Variants in VPS41 observed in about 807,000 individuals in gnomAD.
The protein encoded by VPS41 is VPS41 subunit of HOPS complex, also known as vacuolar protein sorting-associated protein 41 homolog.
A neutral mutation model predicts 130.9 loss-of-function variants in VPS41; 85 were observed. The ratio of observed to expected loss-of-function variants is 0.65; its 90% CI spans 0.55 to 0.78. The LOEUF is 0.78. VPS41 is among the 30% of genes least tolerant of loss of function. VPS41 has a pLI of 0.00. For synonymous variants in VPS41, 335 were observed against 332.9 expected, an observed-to-expected ratio of 1.01 and a Z score of -0.07; for missense variants, 874 against 1,018.7, an observed-to-expected ratio of 0.86 and a Z score of 1.93.
In VPS41 at chr7:38,742,065, T is replaced by C; in HGVS notation, c.2179A>G (p.Ile727Val). The change falls in exon 25 of 29, where the codon ATT becomes GTT. Residue 727 changes from isoleucine (I) to valine (V), a missense_variant. Physicochemically the swap from Ile to Val is conservative, Grantham distance 29 (BLOSUM62 3). Coordinates refer to ENST00000310301, the MANE Select transcript of VPS41 (RefSeq NM_014396.4). ...TCCATTCCTTCCTTAATACGGTGAA[T>C]CAGTAGAATTGGGTCAACATGTGTG... Reference protein sequence around the residue: ...IGTHVDPILLIHRIKEGMEIP... With the variant: ...IGTHVDPILLVHRIKEGMEIP... The C allele has an allele frequency of 6.2e-7, 1 of 1,613,320 alleles. No homozygotes were observed. The highest frequency in any genetic ancestry group is 1.1e-5 in the South Asian group (1 of 90,978).
rs377341093 is a variant in VPS41, at chr7:38,845,673, T to C, written c.247-15345A>G. 2.9e-4 allele frequency among the ~76,000 whole-genome samples: 44 copies of C among 152,228 alleles called. 3 individuals carry two copies. Among genetic ancestry groups the C allele is most frequent in the East Asian group, 2.5e-3 (13 of 5,204 alleles). On this transcript the variant is annotated intron_variant, in intron 4 of 28. Transcript: ENST00000310301. ...GACAGAAAACTAATGGGACCTTTTATATAAATCAAAACCAGTCTGAGCAAT... is the reference window on the plus strand; with the variant it reads ...GACAGAAAACTAATGGGACCTTTTACATAAATCAAAACCAGTCTGAGCAAT...
chr7:38,907,282 G>A (rs1393509684), intron 1 of VPS41, among the ~76,000 whole-genome samples: 1 of 152,186 alleles, frequency 6.6e-6, no homozygotes, highest in East Asian at 1.9e-4. Flanking sequence ...GAGGCCCTGA[G>A]ATAGGAACCT....
chr7:38,870,823 TAAAA>T (rs11355704), intron 2 of VPS41, among the ~76,000 whole-genome samples: 4 of 96,340 alleles, frequency 4.2e-5, no homozygotes, highest in South Asian at 2.9e-4. Flanking sequence ...TCTAATCTGT[TAAAA>T]AAAAAAAAAA....
intron 25 of VPS41, chr7:38,741,209 G>T (rs1283840551): frequency 8.6e-6 from 2 of 233,216 alleles, no homozygotes; most frequent in Non-Finnish European, 9.2e-6. Flanking sequence ...TGCAAAAATT[G>T]TTTCTAGGAA....
chr7:38,858,081 T>A (rs759868376), intron 4 of VPS41, among the ~76,000 whole-genome samples: 1 of 152,176 alleles, frequency 6.6e-6, no homozygotes, highest in Non-Finnish European at 1.5e-5. Context: ...GTGGCACCCT[T>A]AGAGGTAATA....
intron 27 of VPS41, among the ~76,000 whole-genome samples, chr7:38,728,103 T>C (rs1488433825): frequency 6.6e-6 from 1 of 152,176 alleles, no homozygotes; most frequent in Non-Finnish European, 1.5e-5. Context: ...CAGACATGTA[T>C]ATGGTTCTTC....
At chr7:38,779,954 T>A (rs958141496) in intron 10 of VPS41, among the ~76,000 whole-genome samples, 1 of 152,182 alleles carries the variant, frequency 6.6e-6, no homozygotes, top group Admixed American at 6.5e-5. Flanking sequence ...TAAAATTCTA[T>A]TCTATTCCAC....
At chr7:38,776,261 T>G (rs1292764395) in intron 11 of VPS41, among the ~76,000 whole-genome samples, 7 of 152,296 alleles carry the variant, frequency 4.6e-5, no homozygotes, top group African/African-American at 1.7e-4. Context: ...AGTAAACAAA[T>G]ATGTCTGGAC....
intron 7 of VPS41, among the ~76,000 whole-genome samples, chr7:38,798,018 T>C (rs1415355653): frequency 1.3e-5 from 2 of 152,180 alleles, no homozygotes; most frequent in Non-Finnish European, 2.9e-5. Context: ...TAGCCCCATC[T>C]TCCCATCAGA....
chr7:38,774,438 A>G (rs1784217389), intron 11 of VPS41, among the ~76,000 whole-genome samples, 194 bp from the exon 12 acceptor site: 1 of 152,170 alleles, frequency 6.6e-6, no homozygotes, highest in Non-Finnish European at 1.5e-5. Context: ...CAGGAAACTT[A>G]CAATCAGAAA....
intron 25 of VPS41, among the ~76,000 whole-genome samples, chr7:38,731,982 G>A (rs1008901310): frequency 1.1e-4 from 17 of 152,138 alleles, no homozygotes; most frequent in Admixed American, 9.2e-4. Context: ...GTGTCCAGCT[G>A]AAATATACAG....
At chr7:38,787,154 A>ACAGGGAGTCCTGTGAGAAT (rs1784453398) in intron 10 of VPS41, among the ~76,000 whole-genome samples, 1 of 152,182 alleles carries the variant, frequency 6.6e-6, no homozygotes, top group South Asian at 2.1e-4. Flanking sequence ...ATCTCAATTA[A>ACAGGGAGTCCTGTGAGAAT]ACAAAATTCC....
chr7:38,863,267 T>C (rs950743121), intron 3 of VPS41, among the ~76,000 whole-genome samples: 21 of 152,226 alleles, frequency 1.4e-4, no homozygotes, highest in African/African-American at 4.8e-4. Context: ...AGTCCTACTG[T>C]TTCTTTAATT....
At chr7:38,733,796 C>T (rs936841978) in intron 25 of VPS41, among the ~76,000 whole-genome samples, 9 of 152,108 alleles carry the variant, frequency 5.9e-5, no homozygotes, top group Non-Finnish European at 8.8e-5. Flanking sequence ...CACTGACAAT[C>T]GGATGGTTGT....
At chr7:38,861,173 T>C (rs1327102003) in intron 4 of VPS41, among the ~76,000 whole-genome samples, 2 of 152,198 alleles carry the variant, frequency 1.3e-5, no homozygotes, top group Non-Finnish European at 2.9e-5. Context: ...CTTTTGGCAA[T>C]GGAACCAATG....
intron 2 of VPS41, among the ~76,000 whole-genome samples, chr7:38,882,272 C>T (rs28369620): frequency 0.63 from 95,747 of 152,066 alleles, 31,520 homozygotes; most frequent in East Asian, 0.89. Flanking sequence ...CATCCAGAGA[C>T]GGGATCCTCC....
chr7:38,848,365 T>C (rs1232987454), intron 4 of VPS41, among the ~76,000 whole-genome samples: 1 of 152,170 alleles, frequency 6.6e-6, no homozygotes, highest in Non-Finnish European at 1.5e-5. Flanking sequence ...GGTGTAAGAA[T>C]GGGTGTGTCG....
intron 4 of VPS41, among the ~76,000 whole-genome samples, chr7:38,847,102 C>G (rs947005705): frequency 1.3e-5 from 2 of 152,190 alleles, no homozygotes; most frequent in Non-Finnish European, 2.9e-5. Flanking sequence ...AAGGGCTGTC[C>G]CACTGGCAGG....
intron 15 of VPS41, among the ~76,000 whole-genome samples, chr7:38,766,249 G>A (rs1018536247): frequency 3.3e-5 from 5 of 152,156 alleles, no homozygotes; most frequent in African/African-American, 1.2e-4. Flanking sequence ...TCATGCAGCG[G>A]GCACTGCCAG....
Sources: gnomAD v4.1 joint callset for allele counts (sites outside exome capture counted in the v4.1 genomes callset) on GRCh38, gnomAD v4.1.1 for gene constraint, MANE v1.5 for transcripts, NCBI Gene and HGNC (gene_info 2026-07-23, HGNC 2026-07-21) for gene names.